ZFHX3: variants seen among roughly 807,000 people sequenced by gnomAD.
ZFHX3 encodes zinc finger homeobox 3, also known as zinc finger homeobox protein 3.
ZFHX3 carries 42 observed loss-of-function variants against 279.1 expected under a neutral mutation model. The observed-to-expected ratio is 0.15, with a 90% CI of 0.12 to 0.19. ZFHX3 has a LOEUF of 0.19. Ranked by LOEUF, ZFHX3 falls within the 10% of genes least tolerant of loss-of-function variation. The probability of loss-of-function intolerance (pLI) is 1.00; values close to 1 mark genes in which losing one functional copy is unlikely to be tolerated. For synonymous variants in ZFHX3, 2,293 were observed against 1,957.8 expected (o/e 1.17, Z -4.52); for missense variants, 4,981 against 4,754.0 (o/e 1.05, Z -1.40).
intron 1 of ZFHX3, among the ~76,000 whole-genome samples, chr16:72,975,300 G>A (rs1962300472): frequency 6.6e-6 from 1 of 152,090 alleles, no homozygotes; most frequent in Non-Finnish European, 1.5e-5. Flanking sequence ...AACTTAGCCG[G>A]GCATGGTGGC....
chr16:73,137,376 A>G (rs1238489204), intron 6 of ZFHX3: 1 of 152,132 alleles, frequency 6.6e-6, no homozygotes, highest in Non-Finnish European at 1.5e-5. Flanking sequence ...TGAGATACAC[A>G]CTTCAGTTCC....
At chr16:73,728,439 T>C (rs2639313) in intron 1 of ZFHX3, among the ~76,000 whole-genome samples, 131,181 of 152,210 alleles carry the variant, frequency 0.86, 56,974 homozygotes, top group Non-Finnish European at 0.91. Context: ...CCATATTAGA[T>C]AGCCCAGATA....
At chr16:73,648,922 G>T (rs1334771494) in intron 2 of ZFHX3, among the ~76,000 whole-genome samples, 1 of 152,100 alleles carries the variant, frequency 6.6e-6, no homozygotes, top group Non-Finnish European at 1.5e-5. Context: ...ATGTTTAATG[G>T]AAATAAAGAC....
At chr16:73,057,894 G>C (rs1351130376) in intron 1 of ZFHX3, among the ~76,000 whole-genome samples, 3 of 148,964 alleles carry the variant, frequency 2.0e-5, no homozygotes, top group Non-Finnish European at 4.5e-5. Flanking sequence ...CAGTGGCTGC[G>C]ACCGCGGCGA....
intron 3 of ZFHX3, among the ~76,000 whole-genome samples, chr16:73,324,611 T>C (rs1330242538): frequency 6.6e-6 from 1 of 152,172 alleles, no homozygotes; most frequent in African/African-American, 2.4e-5. Context: ...GTCCTGGGGA[T>C]TTGAGAATGG....
chr16:73,103,382 C>G lies in ZFHX3; in HGVS notation c.-896-9784G>C, dbSNP rs567601028. On this transcript the variant is annotated intron_variant, in intron 7 of 17. Transcript: ENST00000641206. ...AACCAGACTCTGCCTCTTCCTTCAA[C>G]AAGTCCTGTGCGCTCACACCTCTAG... Among the ~76,000 whole-genome samples the G allele has an allele frequency of 8.5e-5, 13 of 152,258 alleles. No individual in the cohort carries two copies. The South Asian group carries it at 2.5e-3, about 29-fold the overall frequency.
chr16:73,729,246 C>A (rs910865237), intron 1 of ZFHX3, among the ~76,000 whole-genome samples: 2 of 152,112 alleles, frequency 1.3e-5, no homozygotes, highest in Non-Finnish European at 2.9e-5. Flanking sequence ...CCTGGGCCGG[C>A]AATGGCGTGG....
intron 1 of ZFHX3, among the ~76,000 whole-genome samples, chr16:73,852,770 C>T (rs991355890): frequency 1.3e-5 from 2 of 152,122 alleles, no homozygotes; most frequent in Non-Finnish European, 2.9e-5. Flanking sequence ...ATCCTGTTGG[C>T]TAGGATTAGA....
At chr16:73,883,576 G>T (rs1480733101) in intron 1 of ZFHX3, among the ~76,000 whole-genome samples, 1 of 151,984 alleles carries the variant, frequency 6.6e-6, no homozygotes, top group Non-Finnish European at 1.5e-5. Context: ...CTCAGTATCA[G>T]CCTTTCTTCC....
At chr16:73,848,099 A>G (rs1961498506) in intron 1 of ZFHX3, among the ~76,000 whole-genome samples, 1 of 151,894 alleles carries the variant, frequency 6.6e-6, no homozygotes, top group Non-Finnish European at 1.5e-5. Context: ...CCACCGGAAG[A>G]GTAAACTAAT....
At chr16:73,274,949 C>T (rs1422047663) in intron 4 of ZFHX3, among the ~76,000 whole-genome samples, 2 of 152,198 alleles carry the variant, frequency 1.3e-5, no homozygotes. Flanking sequence ...AAAGCTATGT[C>T]CACAGGCAGT....
intron 1 of ZFHX3, among the ~76,000 whole-genome samples, chr16:72,967,264 G>A (rs560699801): frequency 6.6e-6 from 1 of 152,164 alleles, no homozygotes; most frequent in Non-Finnish European, 1.5e-5. Flanking sequence ...GGCTGGAGCA[G>A]GAAAAGTTCA....
At chr16:73,296,069 CGT>C (rs58283675) in intron 4 of ZFHX3, among the ~76,000 whole-genome samples, 17,660 of 148,888 alleles carry the variant, frequency 0.12, 2,301 homozygotes, top group African/African-American at 0.33. Flanking sequence ...ATTACAATCC[CGT>C]GTGTGTGTGT....
chr16:72,964,574 T>C (rs908283333), intron 1 of ZFHX3, among the ~76,000 whole-genome samples: 1 of 150,940 alleles, frequency 6.6e-6, no homozygotes, highest in African/African-American at 2.4e-5. Flanking sequence ...ATTGAGACAG[T>C]AGGATTGCTA....
At chr16:73,488,759 C>T (rs1567499315) in intron 2 of ZFHX3, among the ~76,000 whole-genome samples, 1 of 152,074 alleles carries the variant, frequency 6.6e-6, no homozygotes, top group East Asian at 1.9e-4. Flanking sequence ...TTTTCATGAC[C>T]CCATTGCTAT....
chr16:73,339,290 A>G (rs2015984196), intron 3 of ZFHX3, among the ~76,000 whole-genome samples: 1 of 152,070 alleles, frequency 6.6e-6, no homozygotes, highest in African/African-American at 2.4e-5. Flanking sequence ...CTTGTAATGA[A>G]GTTGTTTGTG....
chr16:73,457,192 G>C (rs1320961569), intron 2 of ZFHX3, among the ~76,000 whole-genome samples: 1 of 152,184 alleles, frequency 6.6e-6, no homozygotes. Flanking sequence ...ATAGAGGAAA[G>C]TGACAGTTTT....
intron 1 of ZFHX3, among the ~76,000 whole-genome samples, chr16:73,003,491 C>T (rs1963572348): frequency 6.6e-6 from 1 of 150,632 alleles, no homozygotes; most frequent in Non-Finnish European, 1.5e-5. Context: ...AGTTCGAGAC[C>T]AGCCTGGCCA....
intron 5 of ZFHX3, among the ~76,000 whole-genome samples, chr16:73,145,015 G>A (rs985313800): frequency 1.3e-5 from 2 of 152,128 alleles, no homozygotes; most frequent in African/African-American, 4.8e-5. Context: ...ATTTTGACAC[G>A]TCTTTTCCAT....
Sources: gnomAD v4.1 joint callset for allele counts (sites outside exome capture counted in the v4.1 genomes callset) on GRCh38, gnomAD v4.1.1 for gene constraint, MANE v1.5 for transcripts, NCBI Gene and HGNC (gene_info 2026-07-23, HGNC 2026-07-21) for gene names.